The following COMMD1 variants were observed in gnomAD, a reference collection of about 807,000 sequenced individuals.
The protein encoded by COMMD1 is COMM domain-containing protein 1.
A neutral mutation model predicts 17.2 loss-of-function variants in COMMD1; 10 were observed. The observed-to-expected ratio is 0.58, with a 90% CI of 0.36 to 0.99. The LOEUF (loss-of-function observed/expected upper bound fraction) is 0.99, where lower values mean the gene tolerates loss of function less well. Ranked by LOEUF, COMMD1 falls within the 50% of genes least tolerant of loss-of-function variation. COMMD1 has a pLI of 0.01. For missense variants in COMMD1, 270 were observed against 231.8 expected (o/e 1.17, Z -1.07); for synonymous variants, 97 against 91.6 (o/e 1.06, Z -0.34).
At chr2:61,956,427 G>A (rs1432595898) in intron 1 of COMMD1, among the ~76,000 whole-genome samples, 1 of 142,394 alleles carries the variant, frequency 7.0e-6, no homozygotes, top group African/African-American at 2.6e-5. Flanking sequence ...TTTTTTTTTT[G>A]GAGATGGAGT....
intron 2 of COMMD1, among the ~76,000 whole-genome samples, chr2:62,112,893 A>G (rs773839534): frequency 6.6e-6 from 1 of 152,206 alleles, no homozygotes; most frequent in Non-Finnish European, 1.5e-5. Context: ...AGAAAGGGAA[A>G]CAGTATAAAA....
intron 1 of COMMD1, among the ~76,000 whole-genome samples, chr2:61,891,895 A>G (rs933527090): frequency 1.3e-5 from 2 of 151,202 alleles, no homozygotes; most frequent in East Asian, 4.0e-4. Flanking sequence ...GCAGTGGCAC[A>G]ATCTCGGCTC....
chr2:61,954,348 G>C (rs1671138415), intron 1 of COMMD1, among the ~76,000 whole-genome samples: 1 of 152,142 alleles, frequency 6.6e-6, no homozygotes, highest in South Asian at 2.1e-4. Context: ...ATAACATTTT[G>C]TATACAAGGC....
intron 1 of COMMD1, among the ~76,000 whole-genome samples, chr2:61,917,970 T>TA (rs1323042983): frequency 1.3e-5 from 2 of 152,212 alleles, no homozygotes; most frequent in East Asian, 3.8e-4. Context: ...AGGTCATACT[T>TA]TTAGGTTTCA....
At chr2:61,988,262 G>T (rs575016981) in intron 1 of COMMD1, among the ~76,000 whole-genome samples, 1 of 152,204 alleles carries the variant, frequency 6.6e-6, no homozygotes, top group South Asian at 2.1e-4. Context: ...TAGGAATGTG[G>T]TAGGTCACAC....
chr2:61,987,497 G>C (rs1399862044), intron 1 of COMMD1, among the ~76,000 whole-genome samples: 1 of 152,150 alleles, frequency 6.6e-6, no homozygotes, highest in Non-Finnish European at 1.5e-5. Context: ...CTATTGCCAG[G>C]CAGAGACTCT....
chr2:61,989,683 G>A (rs752081554), intron 1 of COMMD1, among the ~76,000 whole-genome samples: 7 of 151,834 alleles, frequency 4.6e-5, no homozygotes, highest in African/African-American at 9.7e-5. Context: ...AGCAGGTCTC[G>A]AAACTCCCAA....
chr2:62,014,500 A>T (rs1308740306), intron 2 of COMMD1, among the ~76,000 whole-genome samples: 1 of 151,328 alleles, frequency 6.6e-6, no homozygotes, highest in African/African-American at 2.4e-5. Context: ...AAAAAAAAAA[A>T]ATTGTGGTAA....
chr2:61,914,800 C>T (rs1035832123), intron 1 of COMMD1, among the ~76,000 whole-genome samples: 2 of 151,054 alleles, frequency 1.3e-5, no homozygotes, highest in South Asian at 2.1e-4. Context: ...AAGCGATTCT[C>T]GTGTCTCAGC....
chr2:61,958,606 T>C (rs1201125065), intron 1 of COMMD1, among the ~76,000 whole-genome samples: 1 of 152,242 alleles, frequency 6.6e-6, no homozygotes, highest in African/African-American at 2.4e-5. Flanking sequence ...TCATAATGTA[T>C]GAATTATCTG....
chr2:61,928,545 T>C (rs1670384783), intron 1 of COMMD1: 2 of 152,320 alleles, frequency 1.3e-5, no homozygotes, highest in South Asian at 4.1e-4. Context: ...TTGTCACATA[T>C]TGACATTCTC....
At chr2:62,080,934 A>G (rs1026447768) in intron 2 of COMMD1, among the ~76,000 whole-genome samples, 1 of 151,966 alleles carries the variant, frequency 6.6e-6, no homozygotes, top group Non-Finnish European at 1.5e-5. Flanking sequence ...TACTTATTCC[A>G]TATTCTGGGG....
chr2:62,080,961 C>T (rs1318054092), intron 2 of COMMD1, among the ~76,000 whole-genome samples: 1 of 151,688 alleles, frequency 6.6e-6, no homozygotes, highest in Non-Finnish European at 1.5e-5. Flanking sequence ...CTGTTAATGA[C>T]ATTTAAGATG....
intron 2 of COMMD1, among the ~76,000 whole-genome samples, chr2:62,010,281 T>G (rs1669242408): frequency 6.6e-6 from 1 of 152,214 alleles, no homozygotes; most frequent in Non-Finnish European, 1.5e-5. Flanking sequence ...CTGATTTTCC[T>G]GCTAGCCTTC....
At chr2:62,001,699 T>G (rs991858618) in intron 2 of COMMD1, among the ~76,000 whole-genome samples, 1 of 152,358 alleles carries the variant, frequency 6.6e-6, no homozygotes, top group East Asian at 1.9e-4. Flanking sequence ...ACATTTATTT[T>G]CAGATAAATA....
intron 2 of COMMD1, chr2:62,079,779 T>G (rs183276793): frequency 8.2e-4 from 125 of 152,298 alleles, no homozygotes; most frequent in African/African-American, 2.8e-3. Context: ...ACAACATCTT[T>G]CCAAGCTCAA....
intron 2 of COMMD1, among the ~76,000 whole-genome samples, chr2:62,128,358 C>T (rs1390365459): frequency 6.6e-6 from 1 of 150,608 alleles, no homozygotes; most frequent in East Asian, 1.9e-4. Flanking sequence ...CAAAAAAACT[C>T]AAGATGAATT....
intron 1 of COMMD1, among the ~76,000 whole-genome samples, chr2:61,939,389 C>T (rs1460555706): frequency 6.6e-6 from 1 of 151,836 alleles, no homozygotes; most frequent in Non-Finnish European, 1.5e-5. Context: ...TGGTGTGAAC[C>T]CAGGAGGTGG....
chr2:61,990,897 T>C (rs1672230961), intron 1 of COMMD1, among the ~76,000 whole-genome samples: 2 of 88,124 alleles, frequency 2.3e-5, no homozygotes. Flanking sequence ...AAAAAATATA[T>C]ATATATACAC....
Sources: gnomAD v4.1 joint callset for allele counts (sites outside exome capture counted in the v4.1 genomes callset) on GRCh38, gnomAD v4.1.1 for gene constraint, MANE v1.5 for transcripts, NCBI Gene and HGNC (gene_info 2026-07-23, HGNC 2026-07-21) for gene names.